Variants in SLC12A5 observed in about 807,000 individuals in gnomAD.
SLC12A5 encodes K-Cl cotransporter 2.
SLC12A5 carries 18 observed loss-of-function variants against 124.0 expected under a neutral mutation model. The ratio of observed to expected loss-of-function variants is 0.15; its 90% CI spans 0.10 to 0.22. The LOEUF (loss-of-function observed/expected upper bound fraction) is 0.22, where lower values mean the gene tolerates loss of function less well. Among genes scored for constraint, SLC12A5 ranks in the 10% least tolerant of loss-of-function variants. The pLI, the probability that SLC12A5 is intolerant of heterozygous loss-of-function variation, is 1.00. For synonymous variants in SLC12A5, 589 were observed against 568.0 expected (o/e 1.04, Z -0.53); for missense variants, 867 against 1,478.7 (o/e 0.59, Z 6.78).
chr20:46,039,668 G>A lies in SLC12A5; in HGVS notation c.613-705G>A, dbSNP rs1444549232. ...TGGGCACCTCTAATCCCAGCTACTC[G>A]GGAGGCTGAGGCAGGAGAATCACTT... On this transcript the variant is annotated intron_variant, in intron 6 of 25. Transcript: ENST00000243964. Among the ~76,000 whole-genome samples, 9 of 152,002 alleles carry A rather than the reference G, an allele frequency of 5.9e-5. No homozygotes were observed. The South Asian group carries it at 8.3e-4, about 14-fold the overall frequency.
At chr20:46,055,609 G>C (rs929743842) in intron 21 of SLC12A5, among the ~76,000 whole-genome samples, 1 of 152,136 alleles carries the variant, frequency 6.6e-6, no homozygotes, top group Non-Finnish European at 1.5e-5. Context: ...TGTTACCCCA[G>C]CTGGGGACAG....
Position 46,047,465 on chromosome 20 carries a change from T to C in SLC12A5, c.1799T>C (p.Phe600Ser), listed in dbSNP as rs1207256253. Residue 600 changes from phenylalanine (F) to serine (S), a missense_variant, in exon 15 of 26, where the codon TTC (phenylalanine) becomes TCC (serine). Around this residue, in one of 9 missense-constraint regions of SLC12A5, gnomAD observed 152 missense variants for 358.7 expected, o/e 0.42. Coordinates refer to ENST00000243964, the MANE Select transcript of SLC12A5 (RefSeq NM_020708.5). ...CCCACCTTGTCTAGGACCCTCTCCT[T>C]CCTGGGCATGAGCCTCTGCCTGGCC... ...RFRYYHWTLS[F>S]LGMSLCLALM... The C allele has an allele frequency of 6.2e-7, 1 of 1,614,004 alleles. No individual in the cohort carries two copies.
chr20:46,023,934 C>T (rs889631547), downstream of SLC12A5, among the ~76,000 whole-genome samples: 1 of 152,096 alleles, frequency 6.6e-6, no homozygotes, highest in African/African-American at 2.4e-5. Context: ...GCTTCTCTAC[C>T]CTTGCCTTCT....
intron 8 of SLC12A5, among the ~76,000 whole-genome samples, chr20:46,042,221 G>A (rs2084554381): frequency 6.6e-6 from 1 of 152,192 alleles, no homozygotes; most frequent in Admixed American, 6.5e-5. Context: ...ATTTTGGAGA[G>A]TTGGGACCAC....
intron 3 of SLC12A5, 90 bp downstream of exon 3, chr20:46,035,625 A>G: frequency 1.3e-6 from 2 of 1,501,792 alleles, no homozygotes; most frequent in Non-Finnish European, 1.8e-6. Context: ...GAATGGAGGG[A>G]GGGAAAGGGG....
chr20:46,051,645 G>A (rs566142031), intron 17 of SLC12A5, 30 bp from the exon 18 acceptor site: 2 of 1,590,180 alleles, frequency 1.3e-6, no homozygotes, highest in South Asian at 1.2e-5. Context: ...GAGGCCTGAG[G>A]CTGGTCCTTG....
chr20:46,057,633 G>T lies in SLC12A5; in HGVS notation c.*28G>T, dbSNP rs1264906211. On this transcript the variant is annotated 3_prime_UTR_variant, in exon 26 of 26. Coordinates refer to ENST00000243964, the MANE Select transcript of SLC12A5 (RefSeq NM_020708.5). The surrounding 1 kb of genome is among the most constrained non-coding windows in gnomAD (Gnocchi z 7.1). ...ACCAGGACCTGCCACCCGGGCCCGA[G>T]CGCGCCCGGCCCGCGGCTCCGGAGC... is the stretch of plus-strand genomic sequence containing the variant. The T allele has an allele frequency of 1.3e-6, 2 of 1,581,510 alleles. No homozygotes were observed. The highest frequency in any genetic ancestry group is 1.7e-6 in the Non-Finnish European group (2 of 1,156,920).
intron 7 of SLC12A5, 52 bp from the exon 8 acceptor site, chr20:46,041,277 C>T (rs2084544586): frequency 3.9e-6 from 6 of 1,542,272 alleles, no homozygotes; most frequent in East Asian, 2.3e-5. Context: ...TATTGTGCAG[C>T]GAGGGCAAGG....
chr20:46,035,701 A>G (rs1317527882), intron 3 of SLC12A5, 76 bp from the exon 4 acceptor site: 9 of 1,548,920 alleles, frequency 5.8e-6, no homozygotes, highest in Non-Finnish European at 7.0e-6. Flanking sequence ...GGGGGCAGAG[A>G]AACATGGAGG....
rs139541572 is a variant in SLC12A5, at chr20:46,035,136, G to A, written c.147+94G>A. 167 of 1,275,562 alleles carry A rather than the reference G, an allele frequency of 1.3e-4. No individual in the cohort carries two copies. The African/African-American group carries it at 1.6e-3, about 12-fold the overall frequency. The allele number at this position is 1,275,562 out of a possible 1,614,324, so 79.0% of individuals were successfully genotyped here. On this transcript the variant is annotated intron_variant, in intron 2 of 25. Transcript: ENST00000243964. ...TCCCTCCCTAGGGAGCAATACCCTC[G>A]TCTCCACCCCTCCCTTGAGTCTACC...
intron 8 of SLC12A5, 26 bp downstream of exon 8, chr20:46,041,566 T>TA: frequency 6.2e-7 from 1 of 1,611,636 alleles, no homozygotes; most frequent in South Asian, 1.1e-5. Flanking sequence ...AGGGCTGGCA[T>TA]CCAGGGAACG....
chr20:46,044,060 A>T, intron 11 of SLC12A5, 127 bp downstream of exon 11: 1 of 782,804 alleles, frequency 1.3e-6, no homozygotes, highest in East Asian at 2.7e-5. Context: ...GGCCACGGGG[A>T]TTGCTTGCAA....
At chr20:46,055,899 G>C in intron 21 of SLC12A5, 1 of 510,698 alleles carries the variant, frequency 2.0e-6, no homozygotes, top group Non-Finnish European at 3.5e-6. Context: ...GGACCATAGT[G>C]CTAGGCAGAG....
intron 8 of SLC12A5, among the ~76,000 whole-genome samples, chr20:46,042,485 C>T (rs111484098): frequency 0.013 from 1,910 of 151,834 alleles, 21 homozygotes; most frequent in South Asian, 0.022. Context: ...TGTTTTGCCA[C>T]CCAGTAAACA....
chr20:46,055,923 A>T, intron 21 of SLC12A5: 1 of 552,212 alleles, frequency 1.8e-6, no homozygotes, highest in Non-Finnish European at 3.2e-6. Context: ...TGCTGTGCCA[A>T]GGTTAACCCT....
At chr20:46,043,114 T>A in intron 8 of SLC12A5, 39 bp from the exon 9 acceptor site, 1 of 1,605,630 alleles carries the variant, frequency 6.2e-7, no homozygotes. Context: ...CTGGTCCCCT[T>A]ATGGCTGGCC....
intron 7 of SLC12A5, 152 bp from the exon 8 acceptor site, chr20:46,041,177 A>AAAAT: frequency 9.2e-6 from 6 of 651,042 alleles, no homozygotes; most frequent in Non-Finnish European, 1.0e-5. Flanking sequence ...AAAAAAAAAA[A>AAAAT]GCCAATGGCC....
rs1027319160 is a variant in SLC12A5 at position 46,045,320 on chromosome 20, G to T, written c.1569+180G>T. On this transcript the variant is annotated intron_variant, in intron 12 of 25. Coordinates refer to ENST00000243964, the MANE Select transcript of SLC12A5 (RefSeq NM_020708.5). This position sits in a 1 kb window ranked among gnomAD's most constrained non-coding sequence, Gnocchi z 4.9. ...TGAGGCACAGGGACAGGGTGGTGTG[G>T]GGTGTCAGGAGTTGGGCAGGGCATT... is the stretch of plus-strand genomic sequence containing the variant. Among the ~76,000 whole-genome samples, 1 of 152,200 alleles carries T rather than the reference G, an allele frequency of 6.6e-6. No individual in the cohort carries two copies. The highest frequency in any genetic ancestry group is 2.4e-5 in the African/African-American group (1 of 41,450).
downstream of SLC12A5, chr20:46,023,614 T>G: frequency 2.5e-6 from 1 of 396,448 alleles, no homozygotes; most frequent in Non-Finnish European, 4.4e-6. Context: ...TTGCTTCTGG[T>G]GTTCTTGTCC....
Sources: gnomAD v4.1 joint callset for allele counts (sites outside exome capture counted in the v4.1 genomes callset) on GRCh38, gnomAD v4.1.1 for gene constraint, gnomAD v4.1.1 regional missense constraint, Gnocchi (gnomAD v3.1) non-coding constraint, MANE v1.5 for transcripts, NCBI Gene and HGNC (gene_info 2026-07-23, HGNC 2026-07-21) for gene names.